The following MGAT5 variants were observed in gnomAD, a reference collection of about 807,000 sequenced individuals.
MGAT5 encodes alpha-1,6-mannosylglycoprotein 6-beta-N-acetylglucosaminyltransferase.
In MGAT5, 30 loss-of-function variants were observed where a neutral mutation model predicts 94.3. That is an observed-to-expected ratio of 0.32 (90% CI 0.24 to 0.43). The LOEUF is 0.43. MGAT5 is among the 20% of genes least tolerant of loss of function. The pLI, the probability that MGAT5 is intolerant of heterozygous loss-of-function variation, is 1.00. For missense variants in MGAT5, 691 were observed against 905.5 expected (o/e 0.76, Z 3.04); for synonymous variants, 310 against 322.9 (o/e 0.96, Z 0.43).
intron 2 of MGAT5, among the ~76,000 whole-genome samples, chr2:134,296,869 A>G (rs1362403386): frequency 6.6e-6 from 1 of 152,174 alleles, no homozygotes; most frequent in Non-Finnish European, 1.5e-5. Flanking sequence ...CTTTGATGAC[A>G]TGGAAAAATT....
At chr2:134,213,391 C>T (rs1680305000) in intron 1 of MGAT5, among the ~76,000 whole-genome samples, 1 of 134,772 alleles carries the variant, frequency 7.4e-6, no homozygotes, top group South Asian at 2.6e-4. Flanking sequence ...GTCAAAAATT[C>T]TGTTTCTCAA....
chr2:134,448,373 T>G (rs1490340192), intron 15 of MGAT5, among the ~76,000 whole-genome samples: 2 of 152,174 alleles, frequency 1.3e-5, no homozygotes, highest in East Asian at 3.9e-4. Flanking sequence ...GTATTTGGGT[T>G]GTTTCCAGTT....
At chr2:134,365,412 A>G (rs1459681448) in intron 10 of MGAT5, among the ~76,000 whole-genome samples, 3 of 152,226 alleles carry the variant, frequency 2.0e-5, no homozygotes, top group Non-Finnish European at 4.4e-5. Context: ...ACTGAGCTGC[A>G]TCAATGAGAT....
intron 1 of MGAT5, among the ~76,000 whole-genome samples, chr2:134,255,335 A>G (rs914560003): frequency 6.6e-6 from 1 of 152,158 alleles, no homozygotes; most frequent in East Asian, 1.9e-4. Flanking sequence ...TAATATAGAA[A>G]AAGTTGGAAG....
intron 1 of MGAT5, among the ~76,000 whole-genome samples, chr2:134,246,308 C>A (rs186740608): frequency 1.5e-4 from 23 of 152,272 alleles, no homozygotes; most frequent in African/African-American, 5.3e-4. Flanking sequence ...TCACAGCTGT[C>A]AGGGATTCAC....
chr2:134,219,380 A>C (rs1015499266), intron 1 of MGAT5, among the ~76,000 whole-genome samples: 10 of 151,944 alleles, frequency 6.6e-5, no homozygotes, highest in African/African-American at 2.4e-4. Flanking sequence ...CTGCTGTGAG[A>C]GCTAAGGGGC....
intron 12 of MGAT5, among the ~76,000 whole-genome samples, chr2:134,413,304 G>A (rs1255450912): frequency 6.6e-6 from 1 of 152,194 alleles, no homozygotes; most frequent in Admixed American, 6.5e-5. Context: ...TTTCCTGAAT[G>A]TTTGAAGTTT....
chr2:134,344,976 G>A lies in MGAT5; in HGVS notation c.1024G>A (p.Gly342Arg). The stretch of plus-strand genomic sequence containing the variant: ...AAACCGATCTGGCTGCCCAACTGTA[G>A]GAGACAGAATTGTTGAGCTCATTTA... ...VGNRSGCPTV[G>R]DRIVELIYID... Residue 342 changes from glycine to arginine, a missense_variant, in exon 8 of 16, where the codon GGA becomes AGA. Around this residue, in one of 4 missense-constraint regions of MGAT5, gnomAD observed 121 missense variants for 206.1 expected, o/e 0.59. Coordinates refer to ENST00000281923, the MANE Select transcript of MGAT5 (RefSeq NM_002410.5). 6.2e-7 allele frequency: 1 copy of A among 1,613,584 alleles called. No individual in the cohort carries two copies. Among genetic ancestry groups the A allele is most frequent in the Non-Finnish European group, 8.5e-7 (1 of 1,179,702 alleles).
intron 1 of MGAT5, among the ~76,000 whole-genome samples, chr2:134,149,698 C>T (rs1687086435): frequency 1.3e-5 from 2 of 152,218 alleles, no homozygotes; most frequent in Non-Finnish European, 2.9e-5. Context: ...TATCAGAGCT[C>T]CTGGCAGGAA....
intron 12 of MGAT5, among the ~76,000 whole-genome samples, chr2:134,420,371 A>G (rs893206063): frequency 2.6e-5 from 4 of 152,190 alleles, no homozygotes; most frequent in African/African-American, 9.7e-5. Context: ...ATCACTGACC[A>G]TAGAGCTGAG....
intron 1 of MGAT5, among the ~76,000 whole-genome samples, chr2:134,163,649 T>G (rs1687838119): frequency 1.3e-5 from 2 of 152,146 alleles, no homozygotes; most frequent in Admixed American, 1.3e-4. Flanking sequence ...AAGAGGAACA[T>G]GTGAGTTTAT....
In MGAT5 at chr2:134,359,220, C is replaced by A. The variant is rs1679934351; in HGVS notation, c.1247-3055C>A. Among the ~76,000 whole-genome samples the A allele has an allele frequency of 2.0e-5, 3 of 152,194 alleles. No homozygotes were observed. In the South Asian group the frequency reaches 6.2e-4, roughly 31 times the overall value. On this transcript the variant is annotated intron_variant, in intron 9 of 15. Coordinates refer to ENST00000281923, the MANE Select transcript of MGAT5 (RefSeq NM_002410.5). ...TTCTAGATCACTCTTGTGTATTTTG[C>A]TCTACCTTAGAACATTATTTTCCTC...
chr2:134,361,880 G>T (rs1478200882), intron 9 of MGAT5, among the ~76,000 whole-genome samples: 1 of 152,168 alleles, frequency 6.6e-6, no homozygotes, highest in Non-Finnish European at 1.5e-5. Flanking sequence ...CGCCTATTCA[G>T]AACTCCCAGT....
intron 14 of MGAT5, among the ~76,000 whole-genome samples, chr2:134,431,118 G>A (rs1684853525): frequency 6.6e-6 from 1 of 152,168 alleles, no homozygotes; most frequent in East Asian, 1.9e-4. Context: ...GGGAATGATA[G>A]GCACTTGACT....
chr2:134,175,513 T>C (rs1312136437), intron 1 of MGAT5, among the ~76,000 whole-genome samples: 1 of 152,138 alleles, frequency 6.6e-6, no homozygotes, highest in Non-Finnish European at 1.5e-5. Flanking sequence ...TCCTTTGTTG[T>C]TAGGTCACTG....
chr2:134,417,431 C>A (rs1684044185), intron 12 of MGAT5, among the ~76,000 whole-genome samples: 3 of 151,920 alleles, frequency 2.0e-5, no homozygotes, highest in Admixed American at 2.0e-4. Flanking sequence ...AGTCGTGTCT[C>A]CTTAGTCTCG....
At chr2:134,391,378 G>C (rs1682397505) in intron 10 of MGAT5, among the ~76,000 whole-genome samples, 1 of 152,212 alleles carries the variant, frequency 6.6e-6, no homozygotes, top group Non-Finnish European at 1.5e-5. Flanking sequence ...TTGGCTGAGT[G>C]TTTGGGCTGC....
chr2:134,400,894 A>G (rs1683010346), intron 10 of MGAT5, among the ~76,000 whole-genome samples: 1 of 152,088 alleles, frequency 6.6e-6, no homozygotes, highest in African/African-American at 2.4e-5. Flanking sequence ...TCAAGTAAAA[A>G]TATGGGGTGG....
chr2:134,414,560 T>C (rs1352976876), intron 12 of MGAT5, among the ~76,000 whole-genome samples: 2 of 152,170 alleles, frequency 1.3e-5, no homozygotes, highest in Admixed American at 6.5e-5. Flanking sequence ...CATTGTGAGA[T>C]AGTCATTACA....
Sources: gnomAD v4.1 joint callset for allele counts (sites outside exome capture counted in the v4.1 genomes callset) on GRCh38, gnomAD v4.1.1 for gene constraint, gnomAD v4.1.1 regional missense constraint, MANE v1.5 for transcripts, NCBI Gene and HGNC (gene_info 2026-07-23, HGNC 2026-07-21) for gene names.